TRDMT1: variants seen among roughly 807,000 people sequenced by gnomAD.
TRDMT1 encodes tRNA aspartic acid methyltransferase 1, also known as tRNA (cytosine(38)-C(5))-methyltransferase.
In TRDMT1, 49 loss-of-function variants were observed where a neutral mutation model predicts 51.2. That is an observed-to-expected ratio of 0.96 (90% CI 0.76 to 1.21). TRDMT1 has a LOEUF of 1.21. Ranked by LOEUF, TRDMT1 falls within the 50% of genes most tolerant of loss-of-function variation. The pLI is 0.00. For missense variants in TRDMT1, 534 were observed against 462.3 expected, an observed-to-expected ratio of 1.16 and a Z score of -1.42; for synonymous variants, 187 against 164.6, an observed-to-expected ratio of 1.14 and a Z score of -1.04.
rs1320661798 is a variant in TRDMT1, at chr10:17,138,736, G to A, written c.*10304C>T. 6.6e-6 allele frequency among the ~76,000 whole-genome samples: 1 copy of A among 151,774 alleles called. No individual in the cohort carries two copies. The highest frequency in any genetic ancestry group is 1.5e-5 in the Non-Finnish European group (1 of 67,976). ...TGAGAAAGCAGATTGTTGAGAGTTT[G>A]GAGAACTTTTCCACTTTTTTCAAGT... On this transcript the variant is annotated 3_prime_UTR_variant, in exon 11 of 11. Transcript: ENST00000377799.
intron 1 of TRDMT1, among the ~76,000 whole-genome samples, chr10:17,194,600 G>C (rs1845126230): frequency 1.3e-5 from 2 of 151,986 alleles, no homozygotes; most frequent in Non-Finnish European, 2.9e-5. Flanking sequence ...AACCACAATA[G>C]GACAGCATCT....
At chr10:17,166,469 T>C (rs1052010689) in intron 3 of TRDMT1, among the ~76,000 whole-genome samples, 2 of 152,102 alleles carry the variant, frequency 1.3e-5, no homozygotes, top group Non-Finnish European at 2.9e-5. Flanking sequence ...CGTATACATA[T>C]GTAACAAACA....
chr10:17,143,496 T>A lies in TRDMT1; in HGVS notation c.*5544A>T. On this transcript the variant is annotated 3_prime_UTR_variant, in exon 11 of 11. Coordinates refer to ENST00000377799, the MANE Select transcript of TRDMT1 (RefSeq NM_004412.7). ...CATTCAGTGTTTTCAGTCATTTTTT[T>A]CACATGTGAAATTTAACTGGACTTG... The A allele has an allele frequency of 1.0e-6, 1 of 985,466 alleles. No individual in the cohort carries two copies. The highest frequency in any genetic ancestry group is 1.2e-6 in the Non-Finnish European group (1 of 829,936). 61.0% of individuals were successfully genotyped at this position (985,466 alleles called of 1,614,324 possible).
chr10:17,140,373 A>G lies in TRDMT1; in HGVS notation c.*8667T>C, dbSNP rs1406354028. Among the ~76,000 whole-genome samples the G allele has an allele frequency of 1.3e-5, 2 of 151,942 alleles. No homozygotes were observed. Among genetic ancestry groups the G allele is most frequent in the Non-Finnish European group, 2.9e-5 (2 of 67,968 alleles). On this transcript the variant is annotated 3_prime_UTR_variant, in exon 11 of 11. Transcript: ENST00000377799. ...CCAGCACTTCTTTTCTTTTTGGCTGACAGAATTATTCAAACAATCCCCCAA... is the reference window on the plus strand; with the variant it reads ...CCAGCACTTCTTTTCTTTTTGGCTGGCAGAATTATTCAAACAATCCCCCAA...
chr10:17,159,319 ACT>A, intron 6 of TRDMT1, 90 bp from the exon 7 acceptor site: 1 of 851,090 alleles, frequency 1.2e-6, no homozygotes, highest in East Asian at 2.6e-5. Context: ...ACAACAAAAA[ACT>A]CAAACGAGCC....
At position 17,144,345 on chromosome 10, in the gene TRDMT1, C is replaced by T; in HGVS notation, c.*4695G>A. The T allele has an allele frequency of 1.0e-6, 1 of 985,344 alleles. No homozygotes were observed. The highest frequency in any genetic ancestry group is 5.2e-4 in the Middle Eastern group (1 of 1,914). 61.0% of individuals were successfully genotyped at this position (985,344 alleles called of 1,614,324 possible). On this transcript the variant is annotated 3_prime_UTR_variant, in exon 11 of 11. Coordinates refer to ENST00000377799, the MANE Select transcript of TRDMT1 (RefSeq NM_004412.7). ...CAAATATTTGAAGTAAACACTGAAGCCATGCTAGGTACAAGCAAAGAAATG... is the reference window on the plus strand; with the variant it reads ...CAAATATTTGAAGTAAACACTGAAGTCATGCTAGGTACAAGCAAAGAAATG...
chr10:17,196,911 C>T (rs1845523880), intron 1 of TRDMT1, among the ~76,000 whole-genome samples: 1 of 152,256 alleles, frequency 6.6e-6, no homozygotes, highest in Middle Eastern at 3.4e-3. Context: ...ATCTTTCTGG[C>T]AAGGGAGGTG....
intron 7 of TRDMT1, among the ~76,000 whole-genome samples, chr10:17,158,919 T>C (rs937394202): frequency 3.3e-5 from 5 of 152,108 alleles, no homozygotes; most frequent in African/African-American, 1.2e-4. Context: ...TGTTTTCTAA[T>C]GAGAAAAAGA....
At chr10:17,172,810 C>T (rs530791082) in intron 2 of TRDMT1, among the ~76,000 whole-genome samples, 9 of 152,136 alleles carry the variant, frequency 5.9e-5, no homozygotes, top group South Asian at 2.1e-4. Context: ...CTATAACATT[C>T]GTAGCAGTAA....
chr10:17,198,635 G>T (rs1222746774), intron 1 of TRDMT1, among the ~76,000 whole-genome samples: 1 of 152,174 alleles, frequency 6.6e-6, no homozygotes, highest in African/African-American at 2.4e-5. Flanking sequence ...GGTTACCAGG[G>T]ACTGGGGGGA....
chr10:17,199,909 T>C (rs1360469518), intron 1 of TRDMT1, among the ~76,000 whole-genome samples: 9 of 152,208 alleles, frequency 5.9e-5, no homozygotes. Flanking sequence ...TTTTACTCTT[T>C]CATTAATCCC....
In TRDMT1 at chr10:17,145,072, A is replaced by G; in HGVS notation, c.*3968T>C. 1 of 712,978 alleles carries G rather than the reference A, an allele frequency of 1.4e-6. No individual in the cohort carries two copies. Among genetic ancestry groups the G allele is most frequent in the Non-Finnish European group, 1.7e-6 (1 of 581,180 alleles). 44.2% of individuals were successfully genotyped at this position (712,978 alleles called of 1,614,324 possible). A position where few individuals can be genotyped will look rare whatever the true frequency, so the allele number is the denominator to read the frequency against. ...CGAGACCAGCCTGGCCAACATGGTG[A>G]AACCCGATCTCTACTAATACAAAAA... On this transcript the variant is annotated 3_prime_UTR_variant, in exon 11 of 11. Coordinates refer to ENST00000377799, the MANE Select transcript of TRDMT1 (RefSeq NM_004412.7).
intron 6 of TRDMT1, 88 bp downstream of exon 6, chr10:17,160,217 G>T: frequency 1.2e-6 from 1 of 818,576 alleles, no homozygotes; most frequent in Non-Finnish European, 1.8e-6. Flanking sequence ...CCAAAATAAA[G>T]CCATTCTGCT....
Position 17,186,903 on chromosome 10 carries a change from A to C in TRDMT1, c.65-12243T>G, listed in dbSNP as rs544703010. On this transcript the variant is annotated intron_variant, in intron 1 of 10. Transcript: ENST00000377799. ...CAAGCGAAAATATTCAAGATATTCT[A>C]AGTAAAGAAAGAAAGCTATAATTTA... 2.0e-5 allele frequency among the ~76,000 whole-genome samples: 3 copies of C among 152,348 alleles called. No homozygotes were observed. The South Asian group carries it at 6.2e-4, about 32-fold the overall frequency.
chr10:17,174,628 T>C lies in TRDMT1; in HGVS notation c.97A>G (p.Ile33Val), dbSNP rs778541055. The change falls in exon 2 of 11, where the codon ATT becomes GTT. Residue 33 changes from isoleucine to valine, a missense_variant. By Grantham distance (29) the Ile-to-Val change is conservative. Transcript: ENST00000377799. The stretch of plus-strand genomic sequence containing the variant: ...TCATTAGCGACAGTGTTGACATCAA[T>C]GGCAGCCACCACTTGTGCAGGTATA... The part of the protein sequence containing the change: ...SCIPAQVVAA[I>V]DVNTVANEVY... 6 of 1,613,926 alleles carry C rather than the reference T, an allele frequency of 3.7e-6. No homozygotes were observed. The highest frequency in any genetic ancestry group is 4.5e-5 in the East Asian group (2 of 44,884).
At position 17,147,535 on chromosome 10, in the gene TRDMT1, G is replaced by C. The variant is rs1838225061; in HGVS notation, c.*1505C>G. On this transcript the variant is annotated 3_prime_UTR_variant, in exon 11 of 11. Coordinates refer to ENST00000377799, the MANE Select transcript of TRDMT1 (RefSeq NM_004412.7). The stretch of plus-strand genomic sequence containing the variant: ...TCTCATCACCCCAATCAGAAACTTT[G>C]TATCCATTATGCACTAACTACCCAT... The C allele has an allele frequency of 1.0e-5, 2 of 199,014 alleles. 1 individual carries two copies. Among genetic ancestry groups the C allele is most frequent in the African/African-American group, 4.7e-5 (2 of 42,306 alleles). 12.3% of individuals were successfully genotyped at this position (199,014 alleles called of 1,614,324 possible). A position where few individuals can be genotyped will look rare whatever the true frequency, so the allele number is the denominator to read the frequency against.
chr10:17,172,415 T>G (rs1014168313), intron 2 of TRDMT1, among the ~76,000 whole-genome samples: 1 of 152,070 alleles, frequency 6.6e-6, no homozygotes, highest in African/African-American at 2.4e-5. Context: ...CCCAGCACTT[T>G]GAGAGGCTGA....
At position 17,143,873 on chromosome 10, in the gene TRDMT1, T is replaced by G. The variant is rs557918575; in HGVS notation, c.*5167A>C. 1.1e-3 allele frequency: 1,072 copies of G among 985,378 alleles called. 1 individual carries two copies. Among genetic ancestry groups the G allele is most frequent in the Non-Finnish European group, 1.2e-3 (1,033 of 829,922 alleles). The allele number at this position is 985,378 out of a possible 1,614,324, so 61.0% of individuals were successfully genotyped here. A position where few individuals can be genotyped will look rare whatever the true frequency, so the allele number is the denominator to read the frequency against. ...TAAATATTAAAGTCAAGAGTGGAAC[T>G]GACTATAGAATGGAGTGTGCTTAGG... On this transcript the variant is annotated 3_prime_UTR_variant, in exon 11 of 11. Coordinates refer to ENST00000377799, the MANE Select transcript of TRDMT1 (RefSeq NM_004412.7).
At position 17,143,416 on chromosome 10, in the gene TRDMT1, C is replaced by G; in HGVS notation, c.*5624G>C. 1.0e-6 allele frequency: 1 copy of G among 985,412 alleles called. No homozygotes were observed. The highest frequency in any genetic ancestry group is 1.2e-6 in the Non-Finnish European group (1 of 829,916). The allele number at this position is 985,412 out of a possible 1,614,324, so 61.0% of individuals were successfully genotyped here. A position where few individuals can be genotyped will look rare whatever the true frequency, so the allele number is the denominator to read the frequency against. Reference sequence around the variant, plus strand: ...CTTATTGTCTACTCATTCATAGGATCAGCTCTTAAATATGAAAGTCAACTC... The same window carrying G: ...CTTATTGTCTACTCATTCATAGGATGAGCTCTTAAATATGAAAGTCAACTC... On this transcript the variant is annotated 3_prime_UTR_variant, in exon 11 of 11. Transcript: ENST00000377799.
Sources: allele counts gnomAD v4.1 joint callset (sites outside exome capture counted in the v4.1 genomes callset), GRCh38; gene constraint gnomAD v4.1.1; transcripts MANE v1.5; gene names NCBI Gene and HGNC (gene_info 2026-07-23, HGNC 2026-07-21).